The following CDKL5 variants were observed in gnomAD, a reference collection of about 807,000 sequenced individuals.
The protein encoded by CDKL5 is cyclin dependent kinase like 5, also known as cyclin-dependent kinase-like 5.
A neutral mutation model predicts 61.7 loss-of-function variants in CDKL5; 8 were observed. That is an observed-to-expected ratio of 0.13 (90% CI 0.08 to 0.23). The LOEUF (loss-of-function observed/expected upper bound fraction) is 0.23. Ranked by LOEUF, CDKL5 falls within the 10% of genes least tolerant of loss-of-function variation. CDKL5 has a pLI of 1.00. For missense variants in CDKL5, 440 were observed against 734.5 expected (o/e 0.60, Z 4.63); for synonymous variants, 275 against 272.3 (o/e 1.01, Z -0.10).
intron 1 of CDKL5, among the ~76,000 whole-genome samples, chrX:18,440,277 G>T (rs891921616): frequency 9.0e-6 from 1 of 111,698 alleles, no homozygotes; most frequent in Non-Finnish European, 1.9e-5. Context: ...AATGTTTAAG[G>T]CATCTTTACC....
chrX:18,544,464 G>T (rs573834453), intron 3 of CDKL5, among the ~76,000 whole-genome samples: 1 of 111,613 alleles, frequency 9.0e-6, no homozygotes, highest in Non-Finnish European at 1.9e-5. Flanking sequence ...AATCCTAATA[G>T]CAACCTCAGG....
In CDKL5 at chrX:18,604,041, G is replaced by A; in HGVS notation, c.1117G>A (p.Gly373Arg). Residue 373 changes from glycine to arginine, a missense_variant, in exon 12 of 18, where the codon GGA (glycine) becomes AGA (arginine). Coordinates refer to ENST00000623535, the MANE Select transcript of CDKL5 (RefSeq NM_001323289.2). ...NESFLNGNLA[G>R]ASLSPLHTKT... ...AAGCTTCCTAAATGGAAACCTTGCT[G>A]GAGCTAGTCTTAGTCCACTGCACAC... 4 of 1,211,428 alleles carry A rather than the reference G, an allele frequency of 3.3e-6. No homozygotes were observed. The highest frequency in any genetic ancestry group is 4.5e-6 in the Non-Finnish European group (4 of 895,390).
rs1364137586 is a variant in CDKL5, at chrX:18,634,722, T to G, written c.*5965T>G. 1 of 750,317 alleles carries G rather than the reference T, an allele frequency of 1.3e-6. No homozygotes were observed. The highest frequency in any genetic ancestry group is 2.3e-5 in the African/African-American group (1 of 42,838). The allele number at this position is 750,317 out of a possible 1,213,427, so 61.8% of individuals were successfully genotyped here. A position where few individuals can be genotyped will look rare whatever the true frequency, so the allele number is the denominator to read the frequency against. On this transcript the variant is annotated 3_prime_UTR_variant, in exon 18 of 18. Coordinates refer to ENST00000623535, the MANE Select transcript of CDKL5 (RefSeq NM_001323289.2). ...AAGAAGTAAATTCTCACTGTAAACT[T>G]GGATTGATTAACAGAAACAATTAAA... is the stretch of plus-strand genomic sequence containing the variant.
At chrX:18,648,687 C>T (rs1336476669) in intron 20 of CDKL5, among the ~76,000 whole-genome samples, 1 of 112,161 alleles carries the variant, frequency 8.9e-6, no homozygotes, top group Admixed American at 9.4e-5. Context: ...AGACTGCCTG[C>T]TGGGATTTCT....
At chrX:18,526,715 T>G (rs1329057484) in intron 3 of CDKL5, among the ~76,000 whole-genome samples, 1 of 111,529 alleles carries the variant, frequency 9.0e-6, no homozygotes, top group Non-Finnish European at 1.9e-5. Context: ...GACCATGTGA[T>G]TTTTCTACTT....
intron 16 of CDKL5, among the ~76,000 whole-genome samples, 167 bp downstream of exon 16, chrX:18,620,133 A>G (rs1029291928): frequency 5.3e-5 from 6 of 112,178 alleles, no homozygotes; most frequent in African/African-American, 1.9e-4. Flanking sequence ...TATCCTCTCA[A>G]CAGAGCCTTT....
At chrX:18,497,758 CTGTGTTGTGT>C (rs768772681) in intron 1 of CDKL5, among the ~76,000 whole-genome samples, 1 of 110,374 alleles carries the variant, frequency 9.1e-6, no homozygotes, top group African/African-American at 3.3e-5. Flanking sequence ...GGAACCCCTC[CTGTGTTGTGT>C]TGTGTTGTGT....
intron 1 of CDKL5, among the ~76,000 whole-genome samples, chrX:18,483,384 G>T (rs1419518597): frequency 9.0e-6 from 1 of 111,035 alleles, no homozygotes; most frequent in East Asian, 2.8e-4. Context: ...TAGAGGAAGG[G>T]TTTGTGGCAA....
chrX:18,563,231 T>C (rs1424840808), intron 3 of CDKL5, among the ~76,000 whole-genome samples: 1 of 111,832 alleles, frequency 8.9e-6, no homozygotes, highest in African/African-American at 3.2e-5. Flanking sequence ...GTAGGTAGAT[T>C]GCTAGCTAGA....
intron 2 of CDKL5, among the ~76,000 whole-genome samples, chrX:18,509,091 A>AACAC (rs34278137): frequency 0.02 from 1,505 of 74,863 alleles, 71 homozygotes; most frequent in Non-Finnish European, 0.028. Context: ...ACTGTCTCAA[A>AACAC]ACACACACAC....
chrX:18,613,179 T>C lies in CDKL5; in HGVS notation c.2180T>C (p.Phe727Ser). The C allele has an allele frequency of 8.3e-7, 1 of 1,199,650 alleles. No homozygotes were observed. Among genetic ancestry groups the C allele is most frequent in the African/African-American group, 1.7e-5 (1 of 57,395 alleles). Residue 727 changes from phenylalanine to serine, a missense_variant, in exon 15 of 18, where the codon TTC becomes TCC. By Grantham distance (155) the Phe-to-Ser change is radical. Coordinates refer to ENST00000623535, the MANE Select transcript of CDKL5 (RefSeq NM_001323289.2). The stretch of plus-strand genomic sequence containing the variant: ...CCATCTCCACGTCCAGACAATTCTT[T>C]CCATGAAAATAATGTGTCAACTAGA... ...RVPSPRPDNS[F>S]HENNVSTRVS...
chrX:18,448,550 G>T (rs1189606589), intron 1 of CDKL5, among the ~76,000 whole-genome samples: 1 of 112,266 alleles, frequency 8.9e-6, no homozygotes, highest in Non-Finnish European at 1.9e-5. Flanking sequence ...TGGGTTGCTT[G>T]CCTTCTGAGT....
In CDKL5 at chrX:18,506,921, T is replaced by C. The variant is rs1214781327; in HGVS notation, c.-162-14T>C. On this transcript the variant is annotated splice_polypyrimidine_tract_variant and intron_variant, in intron 1 of 17. Transcript: ENST00000623535. ...ATAAAACTTACAGCTTTTAATTGTG[T>C]TTGTTTTTTTCAGGGAGTCATTTAA... The C allele has an allele frequency of 4.6e-6, 2 of 435,670 alleles. No homozygotes were observed. The highest frequency in any genetic ancestry group is 4.9e-5 in the African/African-American group (2 of 40,611). 35.9% of individuals were successfully genotyped at this position (435,670 alleles called of 1,213,427 possible). A position where few individuals can be genotyped will look rare whatever the true frequency, so the allele number is the denominator to read the frequency against.
chrX:18,561,039 C>T (rs1924788641), intron 3 of CDKL5, among the ~76,000 whole-genome samples: 1 of 109,059 alleles, frequency 9.2e-6, no homozygotes, highest in Non-Finnish European at 1.9e-5. Flanking sequence ...CTTTTTAGAC[C>T]CTTAATTTTC....
chrX:18,435,419 A>G (rs1278699574), intron 1 of CDKL5, among the ~76,000 whole-genome samples: 1 of 112,142 alleles, frequency 8.9e-6, no homozygotes, highest in Non-Finnish European at 1.9e-5. Flanking sequence ...TTTATCAATT[A>G]TTTATTTCTC....
At chrX:18,466,173 G>A (rs1932398277) in intron 1 of CDKL5, among the ~76,000 whole-genome samples, 1 of 111,189 alleles carries the variant, frequency 9.0e-6, no homozygotes, top group African/African-American at 3.3e-5. Flanking sequence ...AGATTTGTCT[G>A]AATTATATAT....
intron 3 of CDKL5, among the ~76,000 whole-genome samples, chrX:18,519,425 AATTTCT>A (rs1255147546): frequency 8.9e-6 from 1 of 111,923 alleles, no homozygotes; most frequent in East Asian, 2.8e-4. Context: ...CCACAGTCTT[AATTTCT>A]ATTTGACTCT....
At chrX:18,460,609 C>T (rs1932263383) in intron 1 of CDKL5, among the ~76,000 whole-genome samples, 1 of 111,372 alleles carries the variant, frequency 9.0e-6, no homozygotes, top group South Asian at 3.8e-4. Flanking sequence ...AGGTGATCCT[C>T]CCACCTCAGC....
rs757573258 is a variant in CDKL5, at chrX:18,604,655, G to T, written c.1731G>T (p.Met577Ile). ...AGGAATTGAAGCTGCCGGAGCACAT[G>T]GACAGTAGCCATTCCCATTCACTGT... ...TMEELKLPEH[M>I]DSSHSHSLSA... Residue 577 changes from methionine to isoleucine, a missense_variant, in exon 12 of 18, where the codon ATG becomes ATT. This residue lies in a region of CDKL5 where 363 missense variants were observed against 516.3 expected (regional missense o/e 0.70). Coordinates refer to ENST00000623535, the MANE Select transcript of CDKL5 (RefSeq NM_001323289.2). 1 of 1,211,472 alleles carries T rather than the reference G, an allele frequency of 8.3e-7. No homozygotes were observed. The highest frequency in any genetic ancestry group is 1.8e-5 in the South Asian group (1 of 56,984).
Sources: allele counts gnomAD v4.1 joint callset (sites outside exome capture counted in the v4.1 genomes callset), GRCh38; gene constraint gnomAD v4.1.1; regional missense constraint gnomAD v4.1.1; transcripts MANE v1.5; gene names NCBI Gene and HGNC (gene_info 2026-07-23, HGNC 2026-07-21).